The following ZNF410 variants were observed in gnomAD, a reference collection of about 807,000 sequenced individuals.
ZNF410 encodes another partner for ARF 1.
ZNF410 carries 18 observed loss-of-function variants against 54.8 expected under a neutral mutation model. The observed-to-expected ratio is 0.33, with a 90% CI of 0.23 to 0.49. The LOEUF is 0.49. ZNF410 is among the 20% of genes least tolerant of loss of function. The pLI is 0.99. For synonymous variants in ZNF410, 191 were observed against 207.3 expected (o/e 0.92, Z 0.68); for missense variants, 405 against 569.6 (o/e 0.71, Z 2.94).
Position 73,909,972 on chromosome 14 carries a change from T to C in ZNF410, c.1003+542T>C, listed in dbSNP as rs185734876. On this transcript the variant is annotated intron_variant, in intron 8 of 11. Coordinates refer to ENST00000555044, the MANE Select transcript of ZNF410 (RefSeq NM_021188.3). ...AAGATTTAGTGACCCATTTTCTGTT[T>C]GGAGCCTTAAATTAATTCCCTGCAA... Among the ~76,000 whole-genome samples, 245 of 152,300 alleles carry C rather than the reference T, an allele frequency of 1.6e-3. 2 individuals carry two copies. Among genetic ancestry groups the C allele is most frequent in the African/African-American group, 5.6e-3 (232 of 41,558 alleles).
chr14:73,903,762 A>T (rs1158243718), intron 5 of ZNF410, 198 bp from the exon 6 acceptor site: 3 of 672,308 alleles, frequency 4.5e-6, no homozygotes, highest in Non-Finnish European at 7.2e-6. Context: ...TGGCTTCCCA[A>T]AGTGCTTGGG....
At chr14:73,902,711 A>G (rs1048688306) in intron 5 of ZNF410, among the ~76,000 whole-genome samples, 9 of 152,204 alleles carry the variant, frequency 5.9e-5, no homozygotes, top group African/African-American at 1.9e-4. Flanking sequence ...TTAAATGACT[A>G]TTAATTTTTT....
chr14:73,897,410 A>G (rs1268681843), intron 4 of ZNF410, among the ~76,000 whole-genome samples: 1 of 152,212 alleles, frequency 6.6e-6, no homozygotes, highest in Non-Finnish European at 1.5e-5. Context: ...ATTTAAAGAC[A>G]TAAGGAAATG....
At chr14:73,905,966 C>CATATATATATATATATATATAT in intron 7 of ZNF410, among the ~76,000 whole-genome samples, 1 of 66,606 alleles carries the variant, frequency 1.5e-5, no homozygotes, top group East Asian at 2.4e-4. Context: ...CACACACACA[C>CATATATATATATATATATATAT]ACATATATAT....
chr14:73,905,120 T>C lies in ZNF410; in HGVS notation c.913+37T>C, dbSNP rs752215520. 4.0e-5 allele frequency: 63 copies of C among 1,588,648 alleles called. No individual in the cohort carries two copies. In the Admixed American group the frequency reaches 1.1e-3, roughly 27 times the overall value. On this transcript the variant is annotated intron_variant, in intron 7 of 11. Transcript: ENST00000555044. ...ACCAACATTCCTTTGGGCAGTCTGC[T>C]CCTTGGCTCTGCATGTTTGCCTCTC...
Position 73,922,215 on chromosome 14 carries a change from TC to T in ZNF410, c.1270+11del. Reference sequence around the variant, plus strand: ...CCTGGGAGTTGATGATGGTAAGACTTCCAACTCTCCTTTATTTGGGAAAAAT... The same window carrying T: ...CCTGGGAGTTGATGATGGTAAGACTTCAACTCTCCTTTATTTGGGAAAAAT... On this transcript the variant is annotated intron_variant, in intron 10 of 11. Transcript: ENST00000555044. 1.9e-6 allele frequency: 3 copies of T among 1,611,754 alleles called. No individual in the cohort carries two copies. The highest frequency in any genetic ancestry group is 2.5e-6 in the Non-Finnish European group (3 of 1,178,840).
chr14:73,912,377 G>C (rs1381666843), intron 8 of ZNF410, among the ~76,000 whole-genome samples: 1 of 151,840 alleles, frequency 6.6e-6, no homozygotes, highest in African/African-American at 2.4e-5. Flanking sequence ...CATGTGGCCA[G>C]GCTGGTCTTG....
rs780871731 is a variant in ZNF410 at position 73,923,439 on chromosome 14, G to C, written c.1315G>C (p.Asp439His). The C allele has an allele frequency of 6.2e-6, 10 of 1,614,060 alleles. No individual in the cohort carries two copies. The East Asian group carries it at 2.2e-4, about 36-fold the overall frequency. The change falls in exon 11 of 12, where the codon GAT (aspartate) becomes CAT (histidine). Residue 439 changes from aspartate (D) to histidine (H), a missense_variant. Coordinates refer to ENST00000555044, the MANE Select transcript of ZNF410 (RefSeq NM_021188.3). ...CCCACGTTCCCTGTCTTCAGTGCCTGATGTGACACATCACCTGGTGACCAT... is the reference window on the plus strand; with the variant it reads ...CCCACGTTCCCTGTCTTCAGTGCCTCATGTGACACATCACCTGGTGACCAT... ...GSPRSLSSVP[D>H]VTHHLVTMQS... is the part of the protein sequence containing the mutation.
chr14:73,902,646 T>C (rs1400763858), intron 5 of ZNF410, among the ~76,000 whole-genome samples: 3 of 152,172 alleles, frequency 2.0e-5, no homozygotes, highest in Admixed American at 1.3e-4. Context: ...ACAAATCTTA[T>C]TGCTAAGGTA....
chr14:73,914,603 C>G (rs1251859326), intron 8 of ZNF410: 3 of 151,986 alleles, frequency 2.0e-5, no homozygotes, highest in African/African-American at 7.3e-5. Context: ...CAGGCATGAG[C>G]CACTGCACCT....
At chr14:73,890,245 G>C (rs1457446936) in intron 1 of ZNF410, among the ~76,000 whole-genome samples, 1 of 151,158 alleles carries the variant, frequency 6.6e-6, no homozygotes, top group Non-Finnish European at 1.5e-5. Flanking sequence ...CTGGAGTACA[G>C]TGACGCAGTC....
intron 8 of ZNF410, among the ~76,000 whole-genome samples, chr14:73,911,307 T>C (rs1487170523): frequency 6.6e-6 from 1 of 152,126 alleles, no homozygotes; most frequent in Non-Finnish European, 1.5e-5. Context: ...CAGGTCATTG[T>C]TGAATGACTG....
At chr14:73,897,183 G>C (rs2055330795) in intron 4 of ZNF410, among the ~76,000 whole-genome samples, 2 of 152,174 alleles carry the variant, frequency 1.3e-5, no homozygotes, top group African/African-American at 4.8e-5. Context: ...GGTGACCCTA[G>C]CAAGAGCAAT....
intron 11 of ZNF410, among the ~76,000 whole-genome samples, chr14:73,925,433 C>T (rs1329525234): frequency 1.4e-5 from 2 of 144,430 alleles, no homozygotes; most frequent in South Asian, 2.2e-4. Flanking sequence ...CTAACTTTGA[C>T]TTTTTTTTTT....
At chr14:73,913,718 T>C (rs1330042276) in intron 8 of ZNF410, 1 of 152,244 alleles carries the variant, frequency 6.6e-6, no homozygotes, top group Admixed American at 6.5e-5. Context: ...CTGTTCTCCG[T>C]ATCAGTCTCT....
intron 1 of ZNF410, among the ~76,000 whole-genome samples, chr14:73,890,234 G>A (rs564002176): frequency 2.8e-4 from 42 of 151,666 alleles, no homozygotes; most frequent in African/African-American, 1.0e-3. Context: ...TGTCGCCCAG[G>A]CTGGAGTACA....
intron 8 of ZNF410, among the ~76,000 whole-genome samples, chr14:73,919,306 T>A (rs1332842258): frequency 6.6e-6 from 1 of 151,916 alleles, no homozygotes; most frequent in African/African-American, 2.4e-5. Context: ...TAAAATAAAT[T>A]TATTTTAGAT....
rs1406559724 is a variant in ZNF410 at position 73,904,914 on chromosome 14, C to T, written c.744C>T (p.Ser248=). The T allele has an allele frequency of 1.2e-6, 2 of 1,613,010 alleles. No homozygotes were observed. The highest frequency in any genetic ancestry group is 1.1e-5 in the South Asian group (1 of 90,846). ...YHLKTHRNDR[S]FICPAEGCGK... ...ATTATTTTTGCAGAAATGACCGCTC[C>T]TTCATCTGTCCTGCAGAAGGTTGTG... Residue 248 remains serine, a synonymous_variant, in exon 7 of 12, where the codon TCC becomes TCT. Transcript: ENST00000555044.
chr14:73,896,923 G>A (rs1182443251), intron 4 of ZNF410, among the ~76,000 whole-genome samples: 10 of 152,090 alleles, frequency 6.6e-5, no homozygotes, highest in African/African-American at 1.9e-4. Flanking sequence ...TTCAGGAAAC[G>A]TATGAAACAA....
Sources: gnomAD v4.1 joint callset for allele counts (sites outside exome capture counted in the v4.1 genomes callset) on GRCh38, gnomAD v4.1.1 for gene constraint, MANE v1.5 for transcripts, NCBI Gene and HGNC (gene_info 2026-07-23, HGNC 2026-07-21) for gene names.